Variants in PCDH15 observed in about 807,000 individuals in gnomAD.
PCDH15 encodes the protein protocadherin related 15, also known as protocadherin-15.
Under a neutral mutation model 178.5 loss-of-function variants are expected in PCDH15, and 129 were observed. The observed-to-expected ratio is 0.72, with a 90% CI of 0.63 to 0.84. The LOEUF (loss-of-function observed/expected upper bound fraction) is 0.84. Ranked by LOEUF, PCDH15 falls within the 40% of genes least tolerant of loss-of-function variation. The pLI is 0.00. For missense variants in PCDH15, 2,230 were observed against 2,099.9 expected (o/e 1.06, Z -1.21); for synonymous variants, 800 against 732.0 (o/e 1.09, Z -1.50).
intron 1 of PCDH15, among the ~76,000 whole-genome samples, chr10:54,774,640 G>A (rs1291185974): frequency 6.6e-6 from 1 of 152,042 alleles, no homozygotes; most frequent in Non-Finnish European, 1.5e-5. Context: ...ATTCACCAGT[G>A]GTTAGTTATC....
chr10:54,929,985 T>G (rs1837729035), intron 2 of PCDH15, among the ~76,000 whole-genome samples: 1 of 152,156 alleles, frequency 6.6e-6, no homozygotes, highest in Non-Finnish European at 1.5e-5. Flanking sequence ...CCAAATCATT[T>G]GTTTTCTAAC....
At chr10:54,245,295 TAC>T (rs1265400428) in intron 8 of PCDH15, among the ~76,000 whole-genome samples, 5 of 152,204 alleles carry the variant, frequency 3.3e-5, no homozygotes, top group African/African-American at 1.2e-4. Flanking sequence ...CAAAGTAATG[TAC>T]AGTTTTCCCA....
intron 1 of PCDH15, among the ~76,000 whole-genome samples, chr10:54,795,705 A>G (rs908008972): frequency 6.6e-6 from 1 of 151,880 alleles, no homozygotes; most frequent in Non-Finnish European, 1.5e-5. Context: ...AGAAAATAAT[A>G]CCTGAGTTTT....
chr10:55,314,196 T>C (rs1264049327), intron 1 of PCDH15, among the ~76,000 whole-genome samples: 1 of 121,280 alleles, frequency 8.2e-6, no homozygotes, highest in Non-Finnish European at 1.6e-5. Flanking sequence ...TATATGTTTG[T>C]GTGTATATAT....
At chr10:54,424,632 G>A (rs1403282560) in intron 3 of PCDH15, among the ~76,000 whole-genome samples, 1 of 152,064 alleles carries the variant, frequency 6.6e-6, no homozygotes, top group African/African-American at 2.4e-5. Context: ...ATGATAGAAT[G>A]GATTAAGAAA....
At chr10:54,942,723 G>A (rs574313229) in intron 2 of PCDH15, among the ~76,000 whole-genome samples, 42 of 152,084 alleles carry the variant, frequency 2.8e-4, no homozygotes, top group African/African-American at 7.9e-4. Flanking sequence ...AGAGTGCGGA[G>A]CCTGAAAACA....
At chr10:54,342,720 G>T (rs751855645) in intron 6 of PCDH15, among the ~76,000 whole-genome samples, 30 of 152,200 alleles carry the variant, frequency 2.0e-4, no homozygotes, top group South Asian at 2.1e-4. Flanking sequence ...GAAGGCAGCT[G>T]CAGGGGCAGT....
At chr10:53,819,580 GTTTACTT>G (rs1295893507) in intron 33 of PCDH15, among the ~76,000 whole-genome samples, 1 of 151,788 alleles carries the variant, frequency 6.6e-6, no homozygotes, top group African/African-American at 2.4e-5. Flanking sequence ...ATGTATCACT[GTTTACTT>G]TTAACAATAA....
At chr10:55,468,075 A>C (rs1452431007) in intron 2 of PCDH15, among the ~76,000 whole-genome samples, 6 of 152,066 alleles carry the variant, frequency 3.9e-5, no homozygotes, top group African/African-American at 1.4e-4. Context: ...TCAAAGAATA[A>C]ATGTGGATAT....
At chr10:55,564,594 A>T (rs898761475) in intron 2 of PCDH15, among the ~76,000 whole-genome samples, 3 of 151,686 alleles carry the variant, frequency 2.0e-5, no homozygotes, top group African/African-American at 7.2e-5. Flanking sequence ...CCATGATCCA[A>T]CTATATACTG....
At chr10:54,368,896 ATATC>A (rs1436375723) in intron 5 of PCDH15, among the ~76,000 whole-genome samples, 1 of 152,058 alleles carries the variant, frequency 6.6e-6, no homozygotes, top group Non-Finnish European at 1.5e-5. Flanking sequence ...GAAAAATAAA[ATATC>A]TATTATTATA....
intron 2 of PCDH15, among the ~76,000 whole-genome samples, chr10:54,950,746 C>G (rs1298017774): frequency 6.6e-6 from 1 of 151,954 alleles, no homozygotes; most frequent in Non-Finnish European, 1.5e-5. Flanking sequence ...TCCTATGATT[C>G]ATTGACCTCT....
chr10:55,590,190 A>C (rs1222515276), intron 2 of PCDH15, among the ~76,000 whole-genome samples: 1 of 151,786 alleles, frequency 6.6e-6, no homozygotes, highest in African/African-American at 2.4e-5. Flanking sequence ...GGAAATCATC[A>C]TTCTCAGTAA....
chr10:55,493,358 C>T (rs186450043), intron 2 of PCDH15, among the ~76,000 whole-genome samples: 30 of 151,122 alleles, frequency 2.0e-4, no homozygotes, highest in Admixed American at 1.8e-3. Context: ...GAGTTAAAGA[C>T]CAGCCAGGGT....
chr10:54,291,871 C>T (rs2059434706), intron 8 of PCDH15, among the ~76,000 whole-genome samples: 1 of 152,288 alleles, frequency 6.6e-6, no homozygotes, highest in East Asian at 1.9e-4. Context: ...GACGGATTCA[C>T]AGCCTAATTA....
chr10:55,350,686 G>T (rs1014969455), intron 2 of PCDH15, among the ~76,000 whole-genome samples: 83 of 152,062 alleles, frequency 5.5e-4, no homozygotes, highest in Admixed American at 2.6e-3. Context: ...CAAATCAAAG[G>T]ATTTTCACTG....
At chr10:55,089,031 T>C (rs10509021) in intron 2 of PCDH15, among the ~76,000 whole-genome samples, 6,172 of 152,214 alleles carry the variant, frequency 0.041, 302 homozygotes, top group East Asian at 0.14. Context: ...AGATGTTATG[T>C]TTCTCTAATT....
chr10:54,713,603 T>G (rs1026856854), intron 1 of PCDH15, among the ~76,000 whole-genome samples: 6 of 152,134 alleles, frequency 3.9e-5, no homozygotes, highest in African/African-American at 1.4e-4. Flanking sequence ...TCCATTCATC[T>G]GTATAATCAG....
chr10:54,846,022 T>C (rs190274264), intron 3 of PCDH15, among the ~76,000 whole-genome samples: 1 of 152,268 alleles, frequency 6.6e-6, no homozygotes, highest in East Asian at 1.9e-4. Context: ...CCATTTAATA[T>C]GGTTTTATAT....
Sources: gnomAD v4.1 joint callset for allele counts (sites outside exome capture counted in the v4.1 genomes callset) on GRCh38, gnomAD v4.1.1 for gene constraint, MANE v1.5 for transcripts, NCBI Gene and HGNC (gene_info 2026-07-23, HGNC 2026-07-21) for gene names.